The following CTDSPL2 variants were observed in gnomAD, a reference collection of about 807,000 sequenced individuals.
CTDSPL2 encodes CTD small phosphatase-like protein 2.
A neutral mutation model predicts 60.0 loss-of-function variants in CTDSPL2; 5 were observed. The observed-to-expected ratio is 0.08, with a 90% CI of 0.04 to 0.18. The LOEUF is 0.18. Among genes scored for constraint, CTDSPL2 ranks in the 10% least tolerant of loss-of-function variants. The pLI, the probability that CTDSPL2 is intolerant of heterozygous loss-of-function variation, is 1.00. For missense variants in CTDSPL2, 370 were observed against 548.8 expected (o/e 0.67, Z 3.26); for synonymous variants, 186 against 189.3 (o/e 0.98, Z 0.14).
chr15:44,478,756 C>T (rs888708661), intron 2 of CTDSPL2, among the ~76,000 whole-genome samples: 2 of 151,958 alleles, frequency 1.3e-5, no homozygotes, highest in Non-Finnish European at 2.9e-5. Context: ...CCAAGGCAGG[C>T]AGATCACTTC....
chr15:44,520,529 A>T (rs1308459493), intron 11 of CTDSPL2: 3 of 152,218 alleles, frequency 2.0e-5, no homozygotes, highest in Non-Finnish European at 4.4e-5. Context: ...TTGGAGTATA[A>T]ACTAGATTTG....
At chr15:44,480,092 G>T (rs1300746251) in intron 2 of CTDSPL2, among the ~76,000 whole-genome samples, 1 of 152,040 alleles carries the variant, frequency 6.6e-6, no homozygotes, top group Non-Finnish European at 1.5e-5. Flanking sequence ...TTCCTCCTAA[G>T]TATGGAAACT....
At chr15:44,499,937 C>A in intron 8 of CTDSPL2, 124 bp downstream of exon 8, 1 of 570,008 alleles carries the variant, frequency 1.8e-6, no homozygotes, top group South Asian at 2.1e-5. Context: ...TAATGGATTT[C>A]ATCAACATTT....
intron 8 of CTDSPL2, among the ~76,000 whole-genome samples, chr15:44,503,205 A>G (rs970280199): frequency 5.3e-5 from 8 of 151,822 alleles, no homozygotes; most frequent in Non-Finnish European, 1.0e-4. Context: ...GAATGGGTCT[A>G]TTTTTCTTAA....
intron 1 of CTDSPL2, among the ~76,000 whole-genome samples, chr15:44,449,988 CAAAAA>C (rs35999965): frequency 7.0e-6 from 1 of 143,766 alleles, no homozygotes. Context: ...GAGTCTGTCT[CAAAAA>C]AAAAAAAAAT....
rs1248238639 is a variant in CTDSPL2, at chr15:44,524,771, C to CAAAAA, written c.*597_*598insAAAAA. ...GTTTTTTATTATACATTTGAATGGC[C>CAAAAA]GTTTTCCTGCTTTGTCTGCCTGCAC... On this transcript the variant is annotated 3_prime_UTR_variant, in exon 13 of 13. Coordinates refer to ENST00000260327, the MANE Select transcript of CTDSPL2 (RefSeq NM_016396.3). The CAAAAA allele has an allele frequency of 6.6e-6, 1 of 152,454 alleles. No homozygotes were observed. Among genetic ancestry groups the CAAAAA allele is most frequent in the Non-Finnish European group, 1.5e-5 (1 of 68,040 alleles). The allele number at this position is 152,454 out of a possible 1,614,324, so 9.4% of individuals were successfully genotyped here.
At chr15:44,436,347 C>T (rs951242405) in intron 1 of CTDSPL2, among the ~76,000 whole-genome samples, 8 of 152,074 alleles carry the variant, frequency 5.3e-5, no homozygotes, top group African/African-American at 1.7e-4. Context: ...TCTGAAGACT[C>T]CTTAACATGT....
intron 2 of CTDSPL2, among the ~76,000 whole-genome samples, chr15:44,463,889 T>G (rs2080627870): frequency 6.6e-6 from 1 of 152,204 alleles, no homozygotes; most frequent in Non-Finnish European, 1.5e-5. Flanking sequence ...GTTTTATAGG[T>G]GAGAACAACA....
intron 2 of CTDSPL2, among the ~76,000 whole-genome samples, chr15:44,481,833 A>C (rs2081032637): frequency 6.6e-6 from 1 of 152,172 alleles, no homozygotes; most frequent in South Asian, 2.1e-4. Flanking sequence ...TCGGCCTCCC[A>C]AAGTGCTGGG....
intron 5 of CTDSPL2, among the ~76,000 whole-genome samples, chr15:44,493,359 T>C (rs1345446707): frequency 6.6e-6 from 1 of 152,252 alleles, no homozygotes; most frequent in Non-Finnish European, 1.5e-5. Flanking sequence ...AGCTAGCAGC[T>C]GTGTTACTTT....
chr15:44,510,936 A>G (rs2081555221), intron 8 of CTDSPL2, among the ~76,000 whole-genome samples: 1 of 152,298 alleles, frequency 6.6e-6, no homozygotes, highest in Non-Finnish European at 1.5e-5. Flanking sequence ...ATTTCTGTTC[A>G]CGCTTACCTA....
intron 4 of CTDSPL2, among the ~76,000 whole-genome samples, chr15:44,488,988 G>T (rs1055556657): frequency 6.6e-6 from 1 of 152,252 alleles, no homozygotes; most frequent in East Asian, 1.9e-4. Context: ...GGAAGAGATG[G>T]TGTCATTAAT....
chr15:44,440,657 A>T (rs1003163743), intron 1 of CTDSPL2, among the ~76,000 whole-genome samples: 1 of 151,330 alleles, frequency 6.6e-6, no homozygotes, highest in Non-Finnish European at 1.5e-5. Flanking sequence ...TCTGGTTTTT[A>T]AATTTTTTTT....
chr15:44,528,156 C>CG lies in CTDSPL2; in HGVS notation c.*3987dup, dbSNP rs1200270811. The CG allele has an allele frequency of 4.0e-5, 6 of 151,860 alleles. No homozygotes were observed. In the East Asian group the frequency reaches 1.2e-3, roughly 29 times the overall value. The allele number at this position is 151,860 out of a possible 1,614,324, so 9.4% of individuals were successfully genotyped here. A position where few individuals can be genotyped will look rare whatever the true frequency, so the allele number is the denominator to read the frequency against. ...TCTTTTTTAAAAAAGGGTGGGGCGG[C>CG]GGGGGAGAGAGCGACAAGTTTATAC... On this transcript the variant is annotated 3_prime_UTR_variant, in exon 13 of 13. Transcript: ENST00000260327.
intron 1 of CTDSPL2, among the ~76,000 whole-genome samples, chr15:44,440,463 T>G (rs1483762581): frequency 1.3e-5 from 2 of 152,160 alleles, no homozygotes; most frequent in Non-Finnish European, 2.9e-5. Context: ...CCAAAAGTGC[T>G]GGGATTACAG....
At chr15:44,449,297 T>A (rs1315823561) in intron 1 of CTDSPL2, 1 of 195,698 alleles carries the variant, frequency 5.1e-6, no homozygotes, top group Non-Finnish European at 1.1e-5. Context: ...TAGCTTTTTT[T>A]ATGTTTTCTT....
At chr15:44,484,522 G>A (rs2081085376) in intron 3 of CTDSPL2, among the ~76,000 whole-genome samples, 160 bp downstream of exon 3, 2 of 152,194 alleles carry the variant, frequency 1.3e-5, no homozygotes, top group African/African-American at 4.8e-5. Context: ...ATCATTTGAG[G>A]CCAGGAATTT....
At chr15:44,455,469 T>C (rs1373044762) in intron 1 of CTDSPL2, among the ~76,000 whole-genome samples, 1 of 152,014 alleles carries the variant, frequency 6.6e-6, no homozygotes, top group Non-Finnish European at 1.5e-5. Flanking sequence ...TGAATAGGAG[T>C]GGTGAGAGAG....
chr15:44,490,515 C>G (rs576140440), intron 4 of CTDSPL2, among the ~76,000 whole-genome samples: 1 of 152,082 alleles, frequency 6.6e-6, no homozygotes, highest in Non-Finnish European at 1.5e-5. Context: ...AGGGGAACAG[C>G]TAATTTTTTG....
Sources: gnomAD v4.1 joint callset for allele counts (sites outside exome capture counted in the v4.1 genomes callset) on GRCh38, gnomAD v4.1.1 for gene constraint, MANE v1.5 for transcripts, NCBI Gene and HGNC (gene_info 2026-07-23, HGNC 2026-07-21) for gene names.